The following ZFHX3 variants were observed in gnomAD, a reference collection of about 807,000 sequenced individuals.
ZFHX3 encodes zinc finger homeobox protein 3.
Under a neutral mutation model 279.1 loss-of-function variants are expected in ZFHX3, and 42 were observed. The observed-to-expected ratio is 0.15, with a 90% CI of 0.12 to 0.19. ZFHX3 has a LOEUF of 0.19. ZFHX3 is among the 10% of genes least tolerant of loss of function. The pLI is 1.00. For missense variants in ZFHX3, 4,981 were observed against 4,754.0 expected, an observed-to-expected ratio of 1.05 and a Z score of -1.40; for synonymous variants, 2,293 against 1,957.8, an observed-to-expected ratio of 1.17 and a Z score of -4.52.
chr16:73,061,330 C>T (rs1036657879), upstream of ZFHX3: 1 of 149,716 alleles, frequency 6.7e-6, no homozygotes, highest in Admixed American at 6.7e-5. Context: ...ATGGGGAACT[C>T]TCTAGGAGCC....
rs537157026 is a variant in ZFHX3, at chr16:73,219,508, T to A, written c.-1104+37539A>T. Among the ~76,000 whole-genome samples the A allele has an allele frequency of 2.0e-5, 3 of 152,312 alleles. No individual in the cohort carries two copies. In the South Asian group the frequency reaches 6.2e-4, roughly 32 times the overall value. On this transcript the variant is annotated intron_variant, in intron 5 of 17. Transcript: ENST00000641206. ...TCATACTGTAGAGATGCCCTACAAC[T>A]GGGGCAGGATAATACTGAGGCATGC...
intron 4 of ZFHX3, among the ~76,000 whole-genome samples, chr16:72,887,310 A>G (rs1337053074): frequency 1.3e-5 from 2 of 152,316 alleles, no homozygotes; most frequent in African/African-American, 4.8e-5. Context: ...CTGGCAGAGT[A>G]AGGTTCGCCA....
intron 3 of ZFHX3, among the ~76,000 whole-genome samples, chr16:72,928,328 G>C (rs1460844502): frequency 5.3e-5 from 8 of 150,714 alleles, no homozygotes; most frequent in Non-Finnish European, 7.4e-5. Flanking sequence ...AAAATGGCTT[G>C]GGTTGGTCCC....
intron 2 of ZFHX3, among the ~76,000 whole-genome samples, chr16:73,648,452 C>G (rs766909266): frequency 3.3e-5 from 5 of 152,146 alleles, no homozygotes; most frequent in Non-Finnish European, 7.3e-5. Flanking sequence ...TGCAATGGCC[C>G]AGTCTCGGCT....
chr16:73,150,253 T>C (rs1966909345), intron 5 of ZFHX3, among the ~76,000 whole-genome samples: 3 of 152,216 alleles, frequency 2.0e-5, no homozygotes, highest in Admixed American at 2.0e-4. Flanking sequence ...AGGTGGACAA[T>C]GTCATCTACT....
At chr16:72,808,678 CAT>C (rs2036345032) in intron 7 of ZFHX3, among the ~76,000 whole-genome samples, 1 of 152,154 alleles carries the variant, frequency 6.6e-6, no homozygotes, top group African/African-American at 2.4e-5. Flanking sequence ...AGATGAGGAA[CAT>C]AGAGGTTTCT....
intron 1 of ZFHX3, among the ~76,000 whole-genome samples, chr16:73,717,432 G>T (rs995814727): frequency 6.6e-6 from 1 of 152,058 alleles, no homozygotes; most frequent in Non-Finnish European, 1.5e-5. Flanking sequence ...GTCACTGGAG[G>T]CCACCACTGT....
chr16:73,505,414 C>T (rs2019309291), intron 2 of ZFHX3, among the ~76,000 whole-genome samples: 1 of 152,100 alleles, frequency 6.6e-6, no homozygotes, highest in Admixed American at 6.5e-5. Flanking sequence ...CTCTTTCCCC[C>T]TACCCCCTTC....
chr16:73,249,227 T>C (rs922384499), intron 5 of ZFHX3, among the ~76,000 whole-genome samples: 3 of 152,226 alleles, frequency 2.0e-5, no homozygotes, highest in African/African-American at 7.2e-5. Flanking sequence ...TTGAAGAAAA[T>C]GTCCCTAACT....
chr16:73,790,031 G>A (rs1959775485), intron 1 of ZFHX3, among the ~76,000 whole-genome samples: 1 of 152,064 alleles, frequency 6.6e-6, no homozygotes, highest in Non-Finnish European at 1.5e-5. Flanking sequence ...ATTTTCAAGG[G>A]TTTATAATTC....
At chr16:73,509,606 C>A (rs1298150700) in intron 2 of ZFHX3, among the ~76,000 whole-genome samples, 1 of 149,424 alleles carries the variant, frequency 6.7e-6, no homozygotes, top group Non-Finnish European at 1.5e-5. Context: ...CTCACTGCAA[C>A]CTCCACCCCC....
At chr16:73,373,142 TGGG>T (rs35207219) in intron 3 of ZFHX3, among the ~76,000 whole-genome samples, 8 of 150,658 alleles carry the variant, frequency 5.3e-5, no homozygotes, top group Non-Finnish European at 7.4e-5. Context: ...TGAGGAGGTT[TGGG>T]GGGGGGGTGG....
chr16:73,836,195 C>T (rs1324527180), intron 1 of ZFHX3, among the ~76,000 whole-genome samples: 2 of 152,156 alleles, frequency 1.3e-5, no homozygotes, highest in African/African-American at 4.8e-5. Context: ...GCATCTTCTC[C>T]ACTGCTCCCA....
intron 3 of ZFHX3, among the ~76,000 whole-genome samples, chr16:73,454,954 T>C (rs2018346888): frequency 6.6e-6 from 1 of 152,162 alleles, no homozygotes; most frequent in Non-Finnish European, 1.5e-5. Flanking sequence ...TTGATTTATC[T>C]TCTCCAAGTT....
At chr16:73,664,759 G>C (rs2052818024) in intron 2 of ZFHX3, among the ~76,000 whole-genome samples, 1 of 152,196 alleles carries the variant, frequency 6.6e-6, no homozygotes, top group Non-Finnish European at 1.5e-5. Flanking sequence ...AAAAAAGGCA[G>C]ACATGTATAA....
intron 5 of ZFHX3, among the ~76,000 whole-genome samples, chr16:73,203,811 C>G (rs1321094266): frequency 6.6e-6 from 1 of 152,136 alleles, no homozygotes; most frequent in Non-Finnish European, 1.5e-5. Context: ...TCAGTGGTAC[C>G]TGGGCATGAC....
At chr16:73,261,383 C>CT (rs565612495) in intron 4 of ZFHX3, among the ~76,000 whole-genome samples, 38 of 152,128 alleles carry the variant, frequency 2.5e-4, no homozygotes, top group African/African-American at 8.2e-4. Flanking sequence ...AAAACATTGA[C>CT]TGTGGGGAAG....
At chr16:73,024,877 C>A (rs1184771527) in intron 1 of ZFHX3, among the ~76,000 whole-genome samples, 2 of 152,196 alleles carry the variant, frequency 1.3e-5, no homozygotes, top group Non-Finnish European at 2.9e-5. Flanking sequence ...GGCTACATGT[C>A]CCCCAGAAGG....
chr16:73,287,824 A>G (rs907083810), intron 4 of ZFHX3, among the ~76,000 whole-genome samples: 105 of 45,802 alleles, frequency 2.3e-3, no homozygotes, highest in African/African-American at 2.9e-3. Flanking sequence ...GGGTCAGTGT[A>G]TGGCTGTGTG....
Sources: allele counts gnomAD v4.1 joint callset (sites outside exome capture counted in the v4.1 genomes callset), GRCh38; gene constraint gnomAD v4.1.1; transcripts MANE v1.5; gene names NCBI Gene and HGNC (gene_info 2026-07-23, HGNC 2026-07-21).